The following CDKL1 variants were observed in gnomAD, a reference collection of about 807,000 sequenced individuals.
CDKL1 encodes cyclin-dependent kinase-like 1.
CDKL1 carries 41 observed loss-of-function variants against 42.0 expected under a neutral mutation model. That is an observed-to-expected ratio of 0.98 (90% confidence interval 0.76 to 1.27). The LOEUF is 1.27. Ranked by LOEUF, CDKL1 falls within the 50% of genes most tolerant of loss-of-function variation. CDKL1 has a pLI of 0.00. For missense variants in CDKL1, 394 were observed against 428.4 expected (o/e 0.92, Z 0.71); for synonymous variants, 153 against 158.6 (o/e 0.96, Z 0.26).
chr14:50,363,560 TCACACTATTTG>T (rs887178184), intron 2 of CDKL1, among the ~76,000 whole-genome samples: 5 of 152,242 alleles, frequency 3.3e-5, no homozygotes, highest in African/African-American at 1.2e-4. Context: ...ACTTTCATTT[TCACACTATTTG>T]CTCCCTTGAC....
In CDKL1 at chr14:50,379,836, C is replaced by T. The variant is rs1595362226; in HGVS notation, c.168+15865G>A. 3.3e-5 allele frequency among the ~76,000 whole-genome samples: 5 copies of T among 152,286 alleles called. No homozygotes were observed. The East Asian group carries it at 9.6e-4, about 29-fold the overall frequency. On this transcript the variant is annotated intron_variant, in intron 2 of 9. Transcript: ENST00000395834. ...ACCTTGAAGGAGGATCCTGCAATGC[C>T]ACTGTGAGTATTCCTCACTTTTCAA...
At chr14:50,394,397 T>C (rs1241993476) in intron 2 of CDKL1, among the ~76,000 whole-genome samples, 1 of 152,238 alleles carries the variant, frequency 6.6e-6, no homozygotes, top group Non-Finnish European at 1.5e-5. Flanking sequence ...GTTAAGAACA[T>C]TCCAAACCTA....
At chr14:50,371,672 G>C (rs1477035998) in intron 2 of CDKL1, among the ~76,000 whole-genome samples, 1 of 152,222 alleles carries the variant, frequency 6.6e-6, no homozygotes, top group South Asian at 2.1e-4. Context: ...GCTCCCTGGA[G>C]CTGGCAGGAG....
chr14:50,364,923 A>G (rs1362657664), intron 2 of CDKL1, among the ~76,000 whole-genome samples: 2 of 152,210 alleles, frequency 1.3e-5, no homozygotes, highest in Non-Finnish European at 2.9e-5. Flanking sequence ...ACCGGCCTGG[A>G]GCTTAGAACC....
intron 2 of CDKL1, among the ~76,000 whole-genome samples, chr14:50,374,777 A>G (rs945042734): frequency 3.3e-4 from 51 of 152,348 alleles, no homozygotes; most frequent in African/African-American, 1.1e-3. Context: ...GCCTAGAACC[A>G]ACCACATCCT....
At chr14:50,339,174 C>T in intron 6 of CDKL1, 145 bp from the exon 7 acceptor site, 2 of 626,914 alleles carry the variant, frequency 3.2e-6, no homozygotes, top group Non-Finnish European at 5.9e-6. Flanking sequence ...GGCATTCAGG[C>T]AACCCACAGC....
chr14:50,396,513 AT>A (rs1390673265), intron 1 of CDKL1, among the ~76,000 whole-genome samples, 184 bp from the exon 2 acceptor site: 1 of 152,210 alleles, frequency 6.6e-6, no homozygotes, highest in East Asian at 1.9e-4. Context: ...AAGATAAGCT[AT>A]CTTTTTAACG....
At chr14:50,375,884 A>G (rs2034717159) in intron 2 of CDKL1, among the ~76,000 whole-genome samples, 1 of 152,144 alleles carries the variant, frequency 6.6e-6, no homozygotes. Flanking sequence ...CCCTGGTCTA[A>G]TCATGAGAAA....
chr14:50,371,103 A>C (rs757533506), intron 2 of CDKL1, among the ~76,000 whole-genome samples: 20 of 152,184 alleles, frequency 1.3e-4, no homozygotes, highest in Admixed American at 6.5e-5. Flanking sequence ...TTAAGGCTGA[A>C]TAGTACTGTA....
chr14:50,339,010 G>A lies in CDKL1; in HGVS notation c.675C>T (p.His225=), dbSNP rs757490884. ...RKTLGDLIPR[H]QQVFSTNQYF... ...ACTGATTCGTGCTAAACACTTGCTGGTGCCTAGGAATGAGATCCCCTTTGG... is the reference window on the plus strand; with the variant it reads ...ACTGATTCGTGCTAAACACTTGCTGATGCCTAGGAATGAGATCCCCTTTGG... Residue 225 remains histidine (H), a synonymous_variant, in exon 7 of 10, where the codon CAC becomes CAT. Coordinates refer to ENST00000395834, the MANE Select transcript of CDKL1 (RefSeq NM_004196.7). The A allele has an allele frequency of 2.5e-6, 4 of 1,611,616 alleles. No individual in the cohort carries two copies. Among genetic ancestry groups the A allele is most frequent in the Non-Finnish European group, 3.4e-6 (4 of 1,177,728 alleles).
chr14:50,356,306 C>T (rs549251658), intron 3 of CDKL1, among the ~76,000 whole-genome samples: 40 of 152,302 alleles, frequency 2.6e-4, no homozygotes, highest in African/African-American at 7.9e-4. Context: ...CCTAAACTCT[C>T]ATTTTTACAG....
chr14:50,326,392 A>T lies in CDKL1; in HGVS notation c.*3682T>A. On this transcript the variant is annotated 3_prime_UTR_variant, in exon 10 of 10. Transcript: ENST00000395834. ...ATAACAGTAATTTACATTTAACTTTAAAGTTAGTGAAGCATACTACCATAA... is the reference window on the plus strand; with the variant it reads ...ATAACAGTAATTTACATTTAACTTTTAAGTTAGTGAAGCATACTACCATAA... 1.1e-6 allele frequency: 1 copy of T among 939,610 alleles called. No homozygotes were observed. The allele number at this position is 939,610 out of a possible 1,614,324, so 58.2% of individuals were successfully genotyped here. A position where few individuals can be genotyped will look rare whatever the true frequency, so the allele number is the denominator to read the frequency against.
chr14:50,387,032 G>GAAAAAAAGAA (rs774061738), intron 2 of CDKL1, among the ~76,000 whole-genome samples: 1 of 136,660 alleles, frequency 7.3e-6, no homozygotes, highest in Non-Finnish European at 1.6e-5. Flanking sequence ...GTCTCAAAAA[G>GAAAAAAAGAA]AAAAAAAAAA....
intron 7 of CDKL1, among the ~76,000 whole-genome samples, chr14:50,338,479 C>T (rs2033390098): frequency 6.6e-6 from 1 of 152,154 alleles, no homozygotes; most frequent in South Asian, 2.1e-4. Context: ...GTCTCCTGCC[C>T]ATCTCGGCCT....
At chr14:50,369,234 A>T (rs972544683) in intron 2 of CDKL1, among the ~76,000 whole-genome samples, 2 of 152,096 alleles carry the variant, frequency 1.3e-5, no homozygotes, top group East Asian at 1.9e-4. Context: ...AATGCTGGGG[A>T]TCAGCAGGTC....
At chr14:50,380,314 C>T (rs2034868511) in intron 2 of CDKL1, 1 of 480,600 alleles carries the variant, frequency 2.1e-6, no homozygotes, top group Non-Finnish European at 4.3e-6. Flanking sequence ...CATGCTAACC[C>T]CCTCAACTCA....
intron 6 of CDKL1, 123 bp downstream of exon 6, chr14:50,340,909 G>T: frequency 9.9e-7 from 1 of 1,010,592 alleles, no homozygotes; most frequent in Non-Finnish European, 1.4e-6. Context: ...GAGGCTTCGA[G>T]TTTTCCTCTT....
intron 3 of CDKL1, among the ~76,000 whole-genome samples, chr14:50,346,026 C>T (rs1270671830): frequency 2.6e-5 from 4 of 152,132 alleles, no homozygotes; most frequent in Non-Finnish European, 4.4e-5. Context: ...GCTGGACTTA[C>T]TGTTTTGATA....
intron 7 of CDKL1, among the ~76,000 whole-genome samples, chr14:50,338,116 T>C (rs545955014): frequency 6.6e-6 from 1 of 152,330 alleles, no homozygotes; most frequent in African/African-American, 2.4e-5. Context: ...GGATTAGGGG[T>C]ATAAACATTT....
Sources: gnomAD v4.1 joint callset for allele counts (sites outside exome capture counted in the v4.1 genomes callset) on GRCh38, gnomAD v4.1.1 for gene constraint, MANE v1.5 for transcripts, NCBI Gene and HGNC (gene_info 2026-07-23, HGNC 2026-07-21) for gene names.